Variants in ANO3 observed in about 807,000 individuals in gnomAD.
ANO3 encodes anoctamin-3.
ANO3 carries 99 observed loss-of-function variants against 144.8 expected under a neutral mutation model. That is an observed-to-expected ratio of 0.68 (90% CI 0.58 to 0.81). ANO3 has a LOEUF of 0.81. Among genes scored for constraint, ANO3 ranks in the 30% least tolerant of loss-of-function variants. The probability of loss-of-function intolerance (pLI) is 0.00; values close to 1 mark genes in which losing one functional copy is unlikely to be tolerated. For missense variants in ANO3, 905 were observed against 1,202.2 expected, an observed-to-expected ratio of 0.75 and a Z score of 3.66; for synonymous variants, 414 against 392.6, an observed-to-expected ratio of 1.05 and a Z score of -0.64.
chr11:26,304,503 C>T (rs935796489), intron 1 of ANO3, among the ~76,000 whole-genome samples: 1 of 152,076 alleles, frequency 6.6e-6, no homozygotes, highest in African/African-American at 2.4e-5. Context: ...ACCACAGTTA[C>T]AGTTTAATGT....
At chr11:26,222,918 A>G (rs921343355) in intron 1 of ANO3, among the ~76,000 whole-genome samples, 3 of 152,068 alleles carry the variant, frequency 2.0e-5, no homozygotes, top group Non-Finnish European at 4.4e-5. Flanking sequence ...TGCCTGGAAG[A>G]TCTCTGAAAT....
At chr11:26,249,803 G>A (rs974419752) in intron 1 of ANO3, among the ~76,000 whole-genome samples, 1 of 151,760 alleles carries the variant, frequency 6.6e-6, no homozygotes. Flanking sequence ...GAAAGAAAGA[G>A]AAAGAAAGAA....
intron 17 of ANO3, among the ~76,000 whole-genome samples, chr11:26,608,671 C>T (rs1051118273): frequency 1.3e-5 from 2 of 152,214 alleles, no homozygotes; most frequent in East Asian, 1.9e-4. Flanking sequence ...AGAGAGGCCT[C>T]GCCCAGTGAG....
At chr11:26,529,724 C>T (rs1276834690) in intron 7 of ANO3, among the ~76,000 whole-genome samples, 1 of 151,534 alleles carries the variant, frequency 6.6e-6, no homozygotes, top group East Asian at 2.0e-4. Flanking sequence ...TGTTATTAAA[C>T]ACAGCTATTA....
chr11:26,283,364 A>ATATG (rs1853727732), intron 1 of ANO3, among the ~76,000 whole-genome samples: 3 of 119,662 alleles, frequency 2.5e-5, no homozygotes, highest in Non-Finnish European at 3.5e-5. Flanking sequence ...ATATATATAT[A>ATATG]TAGCGAGCAT....
At chr11:26,617,850 T>C (rs1418454723) in intron 17 of ANO3, among the ~76,000 whole-genome samples, 2 of 152,200 alleles carry the variant, frequency 1.3e-5, no homozygotes, top group African/African-American at 4.8e-5. Context: ...CTATTCAGGA[T>C]GTTAAAGCAC....
intron 4 of ANO3, among the ~76,000 whole-genome samples, chr11:26,487,933 C>T (rs763006126): frequency 3.3e-5 from 5 of 152,052 alleles, no homozygotes; most frequent in South Asian, 2.1e-4. Flanking sequence ...TTTGGGAGGC[C>T]GAGGTGGGCA....
At chr11:26,424,887 T>TAC (rs759432394) in intron 1 of ANO3, among the ~76,000 whole-genome samples, 1 of 151,400 alleles carries the variant, frequency 6.6e-6, no homozygotes, top group African/African-American at 2.4e-5. Context: ...ATTTTATACA[T>TAC]ATATATATAT....
intron 1 of ANO3, among the ~76,000 whole-genome samples, chr11:26,218,486 T>A (rs977938943): frequency 1.3e-5 from 2 of 152,152 alleles, no homozygotes; most frequent in African/African-American, 4.8e-5. Context: ...CTTCTCTGCT[T>A]CTTTACTTCT....
At chr11:26,657,678 C>CAA (rs11428583) in intron 26 of ANO3, among the ~76,000 whole-genome samples, 20 of 151,582 alleles carry the variant, frequency 1.3e-4, no homozygotes, top group Admixed American at 3.3e-4. Context: ...TGTTTGTTTA[C>CAA]AAAAAAAATA....
chr11:26,327,491 T>G (rs575266694), upstream of ANO3, among the ~76,000 whole-genome samples: 1 of 152,234 alleles, frequency 6.6e-6, no homozygotes, highest in Admixed American at 6.5e-5. Context: ...TTTAGGACAA[T>G]CATTCCCAGT....
chr11:26,634,143 G>T, intron 18 of ANO3, 61 bp from the exon 19 acceptor site: 2 of 927,176 alleles, frequency 2.2e-6, no homozygotes, highest in Non-Finnish European at 3.4e-6. Flanking sequence ...CTGCCTCCAT[G>T]TCCAGAGTCT....
At chr11:26,217,899 T>C (rs1378438835) in intron 1 of ANO3, among the ~76,000 whole-genome samples, 4 of 152,086 alleles carry the variant, frequency 2.6e-5, no homozygotes. Context: ...GAGATGCCTG[T>C]GTTAACACAT....
At chr11:26,629,668 G>C (rs564346511) in intron 18 of ANO3, among the ~76,000 whole-genome samples, 4 of 151,930 alleles carry the variant, frequency 2.6e-5, no homozygotes, top group Non-Finnish European at 5.9e-5. Context: ...TTTTGCTCTT[G>C]TTGCCCAGGC....
chr11:26,444,813 GT>G (rs1487939008), intron 3 of ANO3, among the ~76,000 whole-genome samples: 2 of 152,112 alleles, frequency 1.3e-5, no homozygotes, highest in Non-Finnish European at 2.9e-5. Context: ...CTGCAAATTA[GT>G]CACATTTCTT....
At chr11:26,388,710 A>G (rs1466446367) in intron 1 of ANO3, among the ~76,000 whole-genome samples, 2 of 152,178 alleles carry the variant, frequency 1.3e-5, no homozygotes, top group African/African-American at 2.4e-5. Flanking sequence ...CTGATTTTTT[A>G]TATTCACTGG....
intron 3 of ANO3, among the ~76,000 whole-genome samples, chr11:26,445,757 G>T (rs772936938): frequency 6.6e-6 from 1 of 152,144 alleles, no homozygotes; most frequent in Non-Finnish European, 1.5e-5. Flanking sequence ...CCAACTGGAT[G>T]TAACACCTGG....
chr11:26,205,566 T>C (rs930082679), intron 1 of ANO3, among the ~76,000 whole-genome samples: 2 of 152,170 alleles, frequency 1.3e-5, no homozygotes, highest in East Asian at 1.9e-4. Context: ...TTTTGATGTA[T>C]GGTCAGCTTT....
intron 14 of ANO3, among the ~76,000 whole-genome samples, chr11:26,584,299 C>T (rs896546310): frequency 6.6e-6 from 1 of 152,128 alleles, no homozygotes; most frequent in Non-Finnish European, 1.5e-5. Context: ...GCTGGGATTA[C>T]AGGTGTCTGC....
Sources: gnomAD v4.1 joint callset for allele counts (sites outside exome capture counted in the v4.1 genomes callset) on GRCh38, gnomAD v4.1.1 for gene constraint, MANE v1.5 for transcripts, NCBI Gene and HGNC (gene_info 2026-07-23, HGNC 2026-07-21) for gene names.